Variants in ZC3H6 observed in about 807,000 individuals in gnomAD.
The protein encoded by ZC3H6 is zinc finger CCCH domain-containing protein 6.
Under a neutral mutation model 107.7 loss-of-function variants are expected in ZC3H6, and 40 were observed. The observed-to-expected ratio is 0.37, with a 90% CI of 0.29 to 0.48. The LOEUF (loss-of-function observed/expected upper bound fraction) is 0.48. ZC3H6 is among the 20% of genes least tolerant of loss of function. ZC3H6 has a pLI of 0.98. For synonymous variants in ZC3H6, 493 were observed against 487.9 expected (o/e 1.01, Z -0.14); for missense variants, 1,267 against 1,410.4 (o/e 0.90, Z 1.63).
At chr2:112,313,144 A>G (rs573240484) in intron 5 of ZC3H6, among the ~76,000 whole-genome samples, 2 of 152,298 alleles carry the variant, frequency 1.3e-5, no homozygotes, top group South Asian at 2.1e-4. Flanking sequence ...CAGCTTAGGC[A>G]AAAAGAAGCT....
chr2:112,305,953 A>C (rs895252951), intron 3 of ZC3H6, among the ~76,000 whole-genome samples: 2 of 152,034 alleles, frequency 1.3e-5, no homozygotes, highest in African/African-American at 4.8e-5. Context: ...ATTTGCCTTT[A>C]TTTATTTATT....
chr2:112,310,279 A>T (rs1676570991), intron 4 of ZC3H6, 118 bp downstream of exon 4: 1 of 1,006,136 alleles, frequency 9.9e-7, no homozygotes, highest in Non-Finnish European at 1.4e-6. Flanking sequence ...TGTAGAACCT[A>T]AATTCATTTT....
At chr2:112,328,676 C>T (rs1301548998) in intron 11 of ZC3H6, among the ~76,000 whole-genome samples, 1 of 152,226 alleles carries the variant, frequency 6.6e-6, no homozygotes, top group Non-Finnish European at 1.5e-5. Context: ...CGCAGTGGCT[C>T]ACGCCTGTAA....
chr2:112,333,127 T>C lies in ZC3H6; in HGVS notation c.*639T>C, dbSNP rs1677069339. 2 of 152,596 alleles carry C rather than the reference T, an allele frequency of 1.3e-5. No homozygotes were observed. The highest frequency in any genetic ancestry group is 4.8e-5 in the African/African-American group (2 of 41,460). 9.5% of individuals were successfully genotyped at this position (152,596 alleles called of 1,614,324 possible). A position where few individuals can be genotyped will look rare whatever the true frequency, so the allele number is the denominator to read the frequency against. On this transcript the variant is annotated 3_prime_UTR_variant, in exon 12 of 12. Coordinates refer to ENST00000409871, the MANE Select transcript of ZC3H6 (RefSeq NM_198581.3). Reference sequence around the variant, plus strand: ...ATCATAGAAGTTGGAGGTATATAAATAGAACATTTTGCTAAAGTGAAAAAT... The same window carrying C: ...ATCATAGAAGTTGGAGGTATATAAACAGAACATTTTGCTAAAGTGAAAAAT...
At chr2:112,300,061 T>G in intron 2 of ZC3H6, 32 bp downstream of exon 2, 2 of 1,291,244 alleles carry the variant, frequency 1.5e-6, no homozygotes, top group Non-Finnish European at 2.0e-6. Context: ...ATTCTTTTGA[T>G]AAATGTTTAT....
At chr2:112,279,122 G>A (rs1471548511) in intron 1 of ZC3H6, among the ~76,000 whole-genome samples, 4 of 152,142 alleles carry the variant, frequency 2.6e-5, no homozygotes, top group Non-Finnish European at 5.9e-5. Flanking sequence ...TTTTGCATAA[G>A]CCCAGAGCCT....
At position 112,279,514 on chromosome 2, in the gene ZC3H6, A is replaced by G. The variant is rs191670764; in HGVS notation, c.32+3488A>G. Among the ~76,000 whole-genome samples the G allele has an allele frequency of 3.5e-4, 53 of 152,088 alleles. No homozygotes were observed. In the East Asian group the frequency reaches 9.3e-3, roughly 27 times the overall value. On this transcript the variant is annotated intron_variant, in intron 1 of 11. Transcript: ENST00000409871. ...TTAACTGATAGGTGATATGGATAAT[A>G]CTCCCCTTTGGGAGGAGGTTTATAA...
At position 112,275,946 on chromosome 2, in the gene ZC3H6, G is replaced by C. The variant is rs541718662; in HGVS notation, c.-49G>C. On this transcript the variant is annotated 5_prime_UTR_variant, in exon 1 of 12. Coordinates refer to ENST00000409871, the MANE Select transcript of ZC3H6 (RefSeq NM_198581.3). ...GGGGTCTTCCCCGCGCCCCGCCGCC[G>C]CCGGCCTCGCAGACCTGCCCTCCAG... 6 of 1,498,654 alleles carry C rather than the reference G, an allele frequency of 4.0e-6. No individual in the cohort carries two copies. In the African/African-American group the frequency reaches 7.3e-5, roughly 18 times the overall value. 92.8% of individuals were successfully genotyped at this position (1,498,654 alleles called of 1,614,324 possible).
intron 2 of ZC3H6, among the ~76,000 whole-genome samples, chr2:112,301,563 G>A (rs1308021274): frequency 6.6e-6 from 1 of 152,084 alleles, no homozygotes; most frequent in East Asian, 1.9e-4. Flanking sequence ...TAAGACTATG[G>A]TCACATTCCA....
At chr2:112,302,402 G>A (rs1173031139) in intron 2 of ZC3H6, among the ~76,000 whole-genome samples, 1 of 152,072 alleles carries the variant, frequency 6.6e-6, no homozygotes, top group African/African-American at 2.4e-5. Flanking sequence ...AACATTTCAG[G>A]ATGGATTAGA....
At chr2:112,316,150 A>G (rs1465920180) in intron 5 of ZC3H6, among the ~76,000 whole-genome samples, 2 of 152,330 alleles carry the variant, frequency 1.3e-5, no homozygotes, top group East Asian at 1.9e-4. Flanking sequence ...TAACATACCT[A>G]TCAATAATAT....
chr2:112,301,808 GT>G (rs1676384522), intron 2 of ZC3H6, among the ~76,000 whole-genome samples: 1 of 151,466 alleles, frequency 6.6e-6, no homozygotes, highest in South Asian at 2.1e-4. Context: ...AAAACCAATA[GT>G]TTTTTAAAAA....
At chr2:112,286,563 A>C (rs928889551) in intron 1 of ZC3H6, 1 of 153,158 alleles carries the variant, frequency 6.5e-6, no homozygotes, top group African/African-American at 2.4e-5. Flanking sequence ...TCAGCCTCCC[A>C]AGTAGCTGGG....
chr2:112,309,769 A>G (rs1381545241), intron 3 of ZC3H6, 116 bp from the exon 4 acceptor site: 5 of 1,007,358 alleles, frequency 5.0e-6, no homozygotes, highest in Non-Finnish European at 7.1e-6. Context: ...GTCAGAACTA[A>G]TAACTGTCTT....
In ZC3H6 at chr2:112,324,952, TTA is replaced by T; in HGVS notation, c.1853-9_1853-8del. On this transcript the variant is annotated splice_polypyrimidine_tract_variant and intron_variant, in intron 10 of 11. Coordinates refer to ENST00000409871, the MANE Select transcript of ZC3H6 (RefSeq NM_198581.3). ...CACTCAATGACTGTCTCTCCCCATG[TTA>T]TACATGTAGATGGGATGTGGCATGG... is the stretch of plus-strand genomic sequence containing the variant. 6.3e-7 allele frequency: 1 copy of T among 1,583,614 alleles called. No homozygotes were observed. The highest frequency in any genetic ancestry group is 1.1e-5 in the South Asian group (1 of 86,980).
intron 2 of ZC3H6, among the ~76,000 whole-genome samples, chr2:112,302,325 TC>T (rs1168081350): frequency 6.6e-6 from 1 of 152,056 alleles, no homozygotes; most frequent in Non-Finnish European, 1.5e-5. Flanking sequence ...AGCAATAAAA[TC>T]ATAAAAACCA....
chr2:112,298,029 G>T (rs776720594), intron 1 of ZC3H6, among the ~76,000 whole-genome samples: 1 of 152,138 alleles, frequency 6.6e-6, no homozygotes, highest in Non-Finnish European at 1.5e-5. Context: ...CACGAGAATC[G>T]CTTGAACCTG....
rs1676700019 is a variant in ZC3H6 at position 112,316,559 on chromosome 2, A to G, written c.837A>G (p.Lys279=). The part of the protein sequence containing the change: ...TVEHKGKQIC[K]YFLEGRCIKG... ...AACACAAAGGAAAACAAATCTGTAA[A>G]TACTTCCTGGAAGGGAGGTGTATTA... The change falls in exon 6 of 12, where the codon AAA becomes AAG. Residue 279 remains lysine, a synonymous_variant. Transcript: ENST00000409871. The G allele has an allele frequency of 6.2e-7, 1 of 1,608,018 alleles. No homozygotes were observed. The highest frequency in any genetic ancestry group is 8.5e-7 in the Non-Finnish European group (1 of 1,176,978).
Position 112,332,277 on chromosome 2 carries a change from G to A in ZC3H6, c.3359G>A (p.Ser1120Asn), listed in dbSNP as rs1677051438. 1 of 1,613,828 alleles carries A rather than the reference G, an allele frequency of 6.2e-7. No homozygotes were observed. Among genetic ancestry groups the A allele is most frequent in the Admixed American group, 1.7e-5 (1 of 60,010 alleles). Residue 1120 changes from serine (S) to asparagine (N), a missense_variant, in exon 12 of 12, where the codon AGT becomes AAT. Around this residue, in one of 3 missense-constraint regions of ZC3H6, gnomAD observed 925 missense variants for 1,025.7 expected, o/e 0.90. Coordinates refer to ENST00000409871, the MANE Select transcript of ZC3H6 (RefSeq NM_198581.3). ...PADPQADVPR[S>N]SGKVQVPAVH... ...GACCCACAGGCGGACGTTCCCAGGA[G>A]TTCTGGTAAGGTTCAGGTCCCAGCA...
Sources: allele counts gnomAD v4.1 joint callset (sites outside exome capture counted in the v4.1 genomes callset), GRCh38; gene constraint gnomAD v4.1.1; regional missense constraint gnomAD v4.1.1; transcripts MANE v1.5; gene names NCBI Gene and HGNC (gene_info 2026-07-23, HGNC 2026-07-21).